Variants in SHANK2 observed in about 807,000 individuals in gnomAD.
The protein encoded by SHANK2 is SH3 and multiple ankyrin repeat domains 2, also known as SH3 and multiple ankyrin repeat domains protein 2.
SHANK2 carries 43 observed loss-of-function variants against 133.7 expected under a neutral mutation model. That is an observed-to-expected ratio of 0.32 (90% CI 0.25 to 0.41). SHANK2 has a LOEUF of 0.41. Among genes scored for constraint, SHANK2 ranks in the 10% least tolerant of loss-of-function variants. The pLI is 1.00. For missense variants in SHANK2, 1,994 were observed against 2,235.8 expected, an observed-to-expected ratio of 0.89 and a Z score of 2.18; for synonymous variants, 1,017 against 952.8, an observed-to-expected ratio of 1.07 and a Z score of -1.24.
chr11:71,093,617 C>T (rs573628254), intron 7 of SHANK2, among the ~76,000 whole-genome samples: 1 of 152,330 alleles, frequency 6.6e-6, no homozygotes, highest in East Asian at 1.9e-4. Flanking sequence ...GAACTGCCTG[C>T]TCCCGCTTCA....
rs1295988139 is a variant in SHANK2, at chr11:70,581,126, C to T, written c.2062-78195G>A. ...TTAAGGTTCAGGGCACTCCCTTCTC[C>T]AGAAATCACCATGAGGATCTCCATC... On this transcript the variant is annotated intron_variant, in intron 17 of 25. Coordinates refer to ENST00000601538, the MANE Select transcript of SHANK2 (RefSeq NM_012309.5). Among the ~76,000 whole-genome samples the T allele has an allele frequency of 3.9e-5, 6 of 152,212 alleles. No individual in the cohort carries two copies. The East Asian group carries it at 1.2e-3, about 29-fold the overall frequency.
intron 11 of SHANK2, among the ~76,000 whole-genome samples, chr11:70,880,300 G>A (rs994479600): frequency 2.6e-5 from 4 of 152,230 alleles, no homozygotes; most frequent in Non-Finnish European, 4.4e-5. Flanking sequence ...CATCCTGGTC[G>A]AAAGAAGGGC....
At chr11:71,113,239 A>G (rs1590925196) in intron 5 of SHANK2, 54 bp downstream of exon 5, 2 of 1,455,942 alleles carry the variant, frequency 1.4e-6, no homozygotes, top group East Asian at 4.9e-5. Context: ...CAACAAGATA[A>G]CAAGGAGGAC....
At chr11:71,244,920 T>C (rs1468759318) in intron 1 of SHANK2, among the ~76,000 whole-genome samples, 4 of 152,152 alleles carry the variant, frequency 2.6e-5, no homozygotes, top group Non-Finnish European at 5.9e-5. Flanking sequence ...GCCAGGCTGG[T>C]CTCGAACTCC....
chr11:70,732,787 C>G (rs1946317621), intron 14 of SHANK2, among the ~76,000 whole-genome samples: 1 of 152,242 alleles, frequency 6.6e-6, no homozygotes, highest in African/African-American at 2.4e-5. Flanking sequence ...CTGCCCTCCC[C>G]TCTCCAGCAC....
chr11:71,075,315 G>A (rs957165278), intron 8 of SHANK2, 40 bp from the exon 9 acceptor site: 3 of 165,646 alleles, frequency 1.8e-5, no homozygotes, highest in East Asian at 1.6e-4. Context: ...GGAACCCTCC[G>A]CCACGACAGC....
intron 14 of SHANK2, among the ~76,000 whole-genome samples, chr11:70,788,806 G>A (rs537367732): frequency 7.9e-5 from 12 of 152,330 alleles, no homozygotes; most frequent in African/African-American, 2.2e-4. Context: ...TCCTATAGGA[G>A]ACAGGAGGTG....
At chr11:70,885,260 C>T (rs567251783) in intron 11 of SHANK2, among the ~76,000 whole-genome samples, 1 of 152,286 alleles carries the variant, frequency 6.6e-6, no homozygotes, top group South Asian at 2.1e-4. Context: ...CTCTGAGCTT[C>T]TGCCCTTCCG....
chr11:71,067,110 G>A (rs1951073534), intron 9 of SHANK2, among the ~76,000 whole-genome samples: 2 of 152,032 alleles, frequency 1.3e-5, no homozygotes, highest in African/African-American at 2.4e-5. Context: ...AGGAAAGGGC[G>A]TGTGGACACC....
At chr11:71,205,720 A>T (rs1307075006) in intron 2 of SHANK2, among the ~76,000 whole-genome samples, 1 of 151,778 alleles carries the variant, frequency 6.6e-6, no homozygotes, top group Non-Finnish European at 1.5e-5. Flanking sequence ...CTACCAAGGC[A>T]CTCCTAATGT....
At chr11:70,564,333 A>T (rs1276172740) in intron 17 of SHANK2, among the ~76,000 whole-genome samples, 1 of 151,350 alleles carries the variant, frequency 6.6e-6, no homozygotes, top group Non-Finnish European at 1.5e-5. Flanking sequence ...ATCTCAGCTC[A>T]TTGCAACCTC....
At chr11:70,518,789 G>T (rs930767052) in intron 17 of SHANK2, among the ~76,000 whole-genome samples, 3 of 152,210 alleles carry the variant, frequency 2.0e-5, no homozygotes, top group African/African-American at 4.8e-5. Context: ...CCGTCAGCTT[G>T]CCACTTAGTG....
chr11:70,866,051 T>C (rs10751308), intron 11 of SHANK2, among the ~76,000 whole-genome samples: 127,833 of 152,204 alleles, frequency 0.84, 54,274 homozygotes, highest in African/African-American at 0.96. Context: ...CCAGGGTCCA[T>C]GGCCTGTCCA....
Position 70,486,065 on chromosome 11 carries a change from G to C in SHANK2, c.4228C>G (p.Pro1410Ala). ...GCAAATTCCAGGGGAGGAGGCAATG[G>C]CTCTGTAAAAATAAAATCCTCATCC... ...DLDEDFIFTE[P>A]LPPPLEFANS... Residue 1410 changes from proline (P) to alanine (A), a missense_variant, in exon 25 of 26, where the codon CCA becomes GCA. Pro to Ala is a conservative substitution (Grantham distance 27, BLOSUM62 -1). Coordinates refer to ENST00000601538, the MANE Select transcript of SHANK2 (RefSeq NM_012309.5). This position sits in a 1 kb window ranked among gnomAD's most constrained non-coding sequence, Gnocchi z 8.0. 6.2e-7 allele frequency: 1 copy of C among 1,614,058 alleles called. No individual in the cohort carries two copies. The highest frequency in any genetic ancestry group is 8.5e-7 in the Non-Finnish European group (1 of 1,180,030).
chr11:70,934,368 G>C (rs1239215487), intron 10 of SHANK2, among the ~76,000 whole-genome samples: 1 of 151,850 alleles, frequency 6.6e-6, no homozygotes, highest in Non-Finnish European at 1.5e-5. Context: ...GCAGCCGGCC[G>C]GCCTCCCTCC....
At position 70,858,168 on chromosome 11, in the gene SHANK2, C is replaced by T. The variant is rs576639787; in HGVS notation, c.1175-37486G>A. Among the ~76,000 whole-genome samples, 24 of 152,326 alleles carry T rather than the reference C, an allele frequency of 1.6e-4. 1 individual carries two copies. The Middle Eastern group carries it at 0.01, about 65-fold the overall frequency. ...GTCAAGAAGGAGCCGAGTGCTGCTGCGAAACCACCCCAGAGCATCTGCTTC... is the reference window on the plus strand; with the variant it reads ...GTCAAGAAGGAGCCGAGTGCTGCTGTGAAACCACCCCAGAGCATCTGCTTC... On this transcript the variant is annotated intron_variant, in intron 11 of 25. Coordinates refer to ENST00000601538, the MANE Select transcript of SHANK2 (RefSeq NM_012309.5).
chr11:70,916,959 A>G (rs1950279972), intron 10 of SHANK2, among the ~76,000 whole-genome samples: 1 of 152,208 alleles, frequency 6.6e-6, no homozygotes, highest in South Asian at 2.1e-4. Context: ...AGGTTAGGAA[A>G]CCATTGCTTT....
chr11:71,221,608 A>G (rs1038188715), intron 2 of SHANK2, among the ~76,000 whole-genome samples: 1 of 152,220 alleles, frequency 6.6e-6, no homozygotes, highest in Non-Finnish European at 1.5e-5. Context: ...AAATTCATCT[A>G]ATCTAGTGTC....
At chr11:70,496,360 C>T (rs2058970777) in intron 21 of SHANK2, among the ~76,000 whole-genome samples, 1 of 152,202 alleles carries the variant, frequency 6.6e-6, no homozygotes, top group African/African-American at 2.4e-5. Context: ...TTTCCATCCA[C>T]TGCACACTGA....
Sources: allele counts gnomAD v4.1 joint callset (sites outside exome capture counted in the v4.1 genomes callset), GRCh38; gene constraint gnomAD v4.1.1; non-coding constraint Gnocchi (gnomAD v3.1); transcripts MANE v1.5; gene names NCBI Gene and HGNC (gene_info 2026-07-23, HGNC 2026-07-21).